The following FABP4 variants were observed in gnomAD, a reference collection of about 807,000 sequenced individuals.
FABP4 encodes fatty acid-binding protein, adipocyte.
In FABP4, 17 loss-of-function variants were observed where a neutral mutation model predicts 14.6. The observed-to-expected ratio is 1.16, with a 90% CI of 0.80 to 1.74. The LOEUF (loss-of-function observed/expected upper bound fraction) is 1.74, where lower values mean the gene tolerates loss of function less well. Ranked by LOEUF, FABP4 falls within the 40% of genes most tolerant of loss-of-function variation. The pLI, the probability that FABP4 is intolerant of heterozygous loss-of-function variation, is 0.00. For synonymous variants in FABP4, 54 were observed against 54.6 expected (o/e 0.99, Z 0.05); for missense variants, 149 against 160.3 (o/e 0.93, Z 0.38).
intron 2 of FABP4, among the ~76,000 whole-genome samples, 149 bp downstream of exon 2, chr8:81,480,271 CTCTATA>C (rs1366219663): frequency 5.9e-5 from 9 of 152,174 alleles, no homozygotes; most frequent in East Asian, 5.8e-4. Context: ...AATTCACCAA[CTCTATA>C]TCTAAGGAAA....
chr8:81,481,189 C>G (rs1808074653), intron 1 of FABP4, among the ~76,000 whole-genome samples: 1 of 152,206 alleles, frequency 6.6e-6, no homozygotes, highest in South Asian at 2.1e-4. Context: ...TCAAATTACT[C>G]CACCATGAAA....
chr8:81,480,710 G>T, intron 1 of FABP4, 112 bp from the exon 2 acceptor site: 2 of 898,342 alleles, frequency 2.2e-6, no homozygotes, highest in Non-Finnish European at 3.1e-6. Flanking sequence ...AAAAGGCACA[G>T]AGAGTTTCTT....
intron 3 of FABP4, 132 bp from the exon 4 acceptor site, chr8:81,479,047 C>A (rs1808020178): frequency 6.8e-6 from 5 of 739,692 alleles, no homozygotes; most frequent in African/African-American, 1.8e-5. Context: ...TATATGTAAC[C>A]CATATATTGT....
At chr8:81,482,569 A>C (rs2129803044) in intron 1 of FABP4, among the ~76,000 whole-genome samples, 1 of 152,346 alleles carries the variant, frequency 6.6e-6, no homozygotes, top group South Asian at 2.1e-4. Context: ...ATTTTCTGAA[A>C]TTAAAATTTT....
At chr8:81,482,556 CAT>C (rs1298284644) in intron 1 of FABP4, among the ~76,000 whole-genome samples, 1 of 152,166 alleles carries the variant, frequency 6.6e-6, no homozygotes, top group African/African-American at 2.4e-5. Flanking sequence ...ATTTAAGAAA[CAT>C]ATTTTCTGAA....
intron 1 of FABP4, among the ~76,000 whole-genome samples, chr8:81,482,306 A>G (rs1171305383): frequency 5.3e-5 from 8 of 152,166 alleles, no homozygotes; most frequent in Non-Finnish European, 5.9e-5. Flanking sequence ...CATGGGGTTG[A>G]GGGAGAAAGG....
chr8:81,478,862 G>A lies in FABP4; in HGVS notation c.*3C>T, dbSNP rs1368962563. 6.2e-7 allele frequency: 1 copy of A among 1,612,384 alleles called. No individual in the cohort carries two copies. The highest frequency in any genetic ancestry group is 1.7e-5 in the Admixed American group (1 of 59,908). ...ACTTCAGTCCAGGTCAACGTCCCTTGGCTTATGCTCTCTCATAAACTCTCG... is the reference window on the plus strand; with the variant it reads ...ACTTCAGTCCAGGTCAACGTCCCTTAGCTTATGCTCTCTCATAAACTCTCG... On this transcript the variant is annotated 3_prime_UTR_variant, in exon 4 of 4. Coordinates refer to ENST00000256104, the MANE Select transcript of FABP4 (RefSeq NM_001442.3).
At chr8:81,479,255 A>G (rs1808024177) in intron 3 of FABP4, among the ~76,000 whole-genome samples, 159 bp downstream of exon 3, 1 of 152,212 alleles carries the variant, frequency 6.6e-6, no homozygotes, top group South Asian at 2.1e-4. Flanking sequence ...GTTGAACTCA[A>G]AAGCATGAAG....
chr8:81,478,989 G>GTTTTATTCCCAACATTCA, intron 3 of FABP4, 74 bp from the exon 4 acceptor site: 3 of 1,274,746 alleles, frequency 2.4e-6, no homozygotes, highest in Non-Finnish European at 3.4e-6. Context: ...TCTGAATGTT[G>GTTTTATTCCCAACATTCA]GGAATAAAAC....
At chr8:81,482,146 T>C (rs185329706) in intron 1 of FABP4, among the ~76,000 whole-genome samples, 2 of 148,010 alleles carry the variant, frequency 1.4e-5, no homozygotes, top group East Asian at 5.1e-4. Flanking sequence ...ACAAGAAACA[T>C]AGTTACAGAC....
rs900278357 is a variant in FABP4, at chr8:81,478,547, G to A, written c.*318C>T. On this transcript the variant is annotated 3_prime_UTR_variant, in exon 4 of 4. Coordinates refer to ENST00000256104, the MANE Select transcript of FABP4 (RefSeq NM_001442.3). ...TATCTCCTACCTAGGGAAATCCATAGATATCCCTTTTTACCTTGAATTATT... is the reference window on the plus strand; with the variant it reads ...TATCTCCTACCTAGGGAAATCCATAAATATCCCTTTTTACCTTGAATTATT... 3.2e-5 allele frequency: 7 copies of A among 215,714 alleles called. No individual in the cohort carries two copies. The highest frequency in any genetic ancestry group is 5.5e-5 in the Non-Finnish European group (6 of 108,890). The allele number at this position is 215,714 out of a possible 1,614,324, so 13.4% of individuals were successfully genotyped here.
At position 81,480,283 on chromosome 8, in the gene FABP4, G is replaced by C; in HGVS notation, c.246+143C>G. ...AAAAATTCACCAACTCTATATCTAA[G>C]GAAACACAGTTTAGATGTAGGAGTT... is the stretch of plus-strand genomic sequence containing the variant. On this transcript the variant is annotated intron_variant, in intron 2 of 3. Transcript: ENST00000256104. 4.1e-6 allele frequency: 3 copies of C among 740,224 alleles called. No individual in the cohort carries two copies. The Admixed American group carries it at 8.9e-5, about 22-fold the overall frequency. 45.9% of individuals were successfully genotyped at this position (740,224 alleles called of 1,614,324 possible). A position where few individuals can be genotyped will look rare whatever the true frequency, so the allele number is the denominator to read the frequency against.
rs746621810 is a variant in FABP4 at position 81,483,083 on chromosome 8, G to A, written c.73+12C>T. The A allele has an allele frequency of 1.0e-5, 16 of 1,591,826 alleles. No homozygotes were observed. Among genetic ancestry groups the A allele is most frequent in the African/African-American group, 4.0e-5 (3 of 74,244 alleles). ...ATTATAAATCCAGTCATTCCACAAC[G>A]CATTTCCTTACCTACTTCTTTCATA... On this transcript the variant is annotated intron_variant, in intron 1 of 3. Coordinates refer to ENST00000256104, the MANE Select transcript of FABP4 (RefSeq NM_001442.3).
intron 1 of FABP4, among the ~76,000 whole-genome samples, chr8:81,482,605 T>A (rs1808096362): frequency 6.6e-6 from 1 of 152,194 alleles, no homozygotes; most frequent in Non-Finnish European, 1.5e-5. Flanking sequence ...AACCACATAT[T>A]TTAATAGATT....
At position 81,478,883 on chromosome 8, in the gene FABP4, T is replaced by C. The variant is rs1237685386; in HGVS notation, c.381A>G (p.Arg127=). ...CCTTGGCTTATGCTCTCTCATAAAC[T>C]CTCGTGGAAGTGACGCCTTTCATGA... ...ECVMKGVTST[R]VYERA Residue 127 remains arginine, a synonymous_variant, in exon 4 of 4, where the codon AGA becomes AGG. Coordinates refer to ENST00000256104, the MANE Select transcript of FABP4 (RefSeq NM_001442.3). 3 of 1,613,060 alleles carry C rather than the reference T, an allele frequency of 1.9e-6. No homozygotes were observed. The highest frequency in any genetic ancestry group is 2.5e-6 in the Non-Finnish European group (3 of 1,179,386).
intron 1 of FABP4, 150 bp from the exon 2 acceptor site, chr8:81,480,748 G>GAAAAAAA (rs1808066545): frequency 2.7e-6 from 1 of 370,226 alleles, no homozygotes. Flanking sequence ...AGCTCCTGCA[G>GAAAAAAA]ATAAAATCAG....
At chr8:81,480,275 A>G (rs1808056840) in intron 2 of FABP4, 151 bp downstream of exon 2, 1 of 689,300 alleles carries the variant, frequency 1.5e-6, no homozygotes, top group East Asian at 2.8e-5. Flanking sequence ...CACCAACTCT[A>G]TATCTAAGGA....
chr8:81,480,608 G>A lies in FABP4; in HGVS notation c.74-10C>T. On this transcript the variant is annotated splice_polypyrimidine_tract_variant and intron_variant, in intron 1 of 3. Coordinates refer to ENST00000256104, the MANE Select transcript of FABP4 (RefSeq NM_001442.3). ...GTGGCAAAGCCCACTCCTACAGTTA[G>A]GAAAAGAAAAGATGTCAGATTTACA... 1 of 1,596,976 alleles carries A rather than the reference G, an allele frequency of 6.3e-7. No individual in the cohort carries two copies. The highest frequency in any genetic ancestry group is 8.5e-7 in the Non-Finnish European group (1 of 1,172,054).
chr8:81,481,792 G>T (rs566861945), intron 1 of FABP4, among the ~76,000 whole-genome samples: 1 of 152,268 alleles, frequency 6.6e-6, no homozygotes, highest in South Asian at 2.1e-4. Context: ...TGTGATTCTA[G>T]AATGACTGAC....
Sources: gnomAD v4.1 joint callset for allele counts (sites outside exome capture counted in the v4.1 genomes callset) on GRCh38, gnomAD v4.1.1 for gene constraint, MANE v1.5 for transcripts, NCBI Gene and HGNC (gene_info 2026-07-23, HGNC 2026-07-21) for gene names.